The following TMEM178B variants were observed in gnomAD, a reference collection of about 807,000 sequenced individuals.
The protein encoded by TMEM178B is transmembrane protein 178B.
In TMEM178B, 5 loss-of-function variants were observed where a neutral mutation model predicts 31.0. That is an observed-to-expected ratio of 0.16 (90% CI 0.08 to 0.34). The LOEUF is 0.34. Among genes scored for constraint, TMEM178B ranks in the 10% least tolerant of loss-of-function variants. The pLI is 1.00. For missense variants in TMEM178B, 275 were observed against 400.3 expected, an observed-to-expected ratio of 0.69 and a Z score of 2.67; for synonymous variants, 164 against 164.0, an observed-to-expected ratio of 1.00 and a Z score of 0.00.
intron 3 of TMEM178B, among the ~76,000 whole-genome samples, chr7:141,464,536 A>G (rs1454663192): frequency 1.3e-5 from 2 of 152,086 alleles, no homozygotes; most frequent in African/African-American, 4.8e-5. Context: ...AAGCTTTTTT[A>G]AAAAGCTTTT....
At chr7:141,077,660 T>C (rs189872754) in intron 1 of TMEM178B, among the ~76,000 whole-genome samples, 30 of 152,272 alleles carry the variant, frequency 2.0e-4, no homozygotes, top group Non-Finnish European at 3.4e-4. Context: ...GACCATCATT[T>C]GTTAAATACA....
intron 2 of TMEM178B, among the ~76,000 whole-genome samples, chr7:141,432,301 G>A (rs1801450249): frequency 6.6e-6 from 1 of 151,982 alleles, no homozygotes; most frequent in East Asian, 1.9e-4. Context: ...GATTACCGGG[G>A]CATGCCACCA....
At chr7:141,454,479 G>A (rs1488528015) in intron 3 of TMEM178B, among the ~76,000 whole-genome samples, 1 of 152,078 alleles carries the variant, frequency 6.6e-6, no homozygotes, top group Admixed American at 6.5e-5. Context: ...CCTGGGGTCA[G>A]GGCCCAAGAC....
intron 2 of TMEM178B, among the ~76,000 whole-genome samples, chr7:141,391,304 T>C (rs1800534542): frequency 6.6e-6 from 1 of 152,050 alleles, no homozygotes; most frequent in Non-Finnish European, 1.5e-5. Flanking sequence ...TAGCTGGGAT[T>C]ACAGGTAGGC....
At chr7:141,459,598 G>A (rs1802026606) in intron 3 of TMEM178B, among the ~76,000 whole-genome samples, 1 of 152,140 alleles carries the variant, frequency 6.6e-6, no homozygotes, top group Non-Finnish European at 1.5e-5. Flanking sequence ...AGATGTCTTG[G>A]GAGATTCAGG....
At chr7:141,391,759 A>T (rs1459987829) in intron 2 of TMEM178B, among the ~76,000 whole-genome samples, 2 of 151,468 alleles carry the variant, frequency 1.3e-5, no homozygotes, top group Non-Finnish European at 2.9e-5. Context: ...GACTCTAGGG[A>T]CCTCAGATAC....
At chr7:141,267,226 A>G (rs1798107861) in intron 2 of TMEM178B, among the ~76,000 whole-genome samples, 1 of 152,176 alleles carries the variant, frequency 6.6e-6, no homozygotes, top group Non-Finnish European at 1.5e-5. Context: ...TCCTCTACGT[A>G]CCTCAAATTT....
chr7:141,255,202 C>T (rs1386179020), intron 2 of TMEM178B, among the ~76,000 whole-genome samples: 1 of 152,112 alleles, frequency 6.6e-6, no homozygotes, highest in Non-Finnish European at 1.5e-5. Context: ...CCAATGGGAT[C>T]AAGGCATCAG....
Position 141,344,569 on chromosome 7 carries a change from CTCCTCCCTTCCTTCCT to C in TMEM178B, c.497-93034_497-93019del, listed in dbSNP as rs1160987331. ...TCTCCCTCCCTCCCTCCATTCCTCC[CTCCTCCCTTCCTTCCT>C]TCCTTCCTTCCTTCCTTCCTTCCTT... On this transcript the variant is annotated intron_variant, in intron 2 of 3. Transcript: ENST00000565468. This position sits in a 1 kb window ranked among gnomAD's most constrained non-coding sequence, Gnocchi z 4.1. Among the ~76,000 whole-genome samples, 2 of 142,214 alleles carry C rather than the reference CTCCTCCCTTCCTTCCT, an allele frequency of 1.4e-5. No homozygotes were observed. The highest frequency in any genetic ancestry group is 3.0e-5 in the Non-Finnish European group (2 of 65,740). 93.3% of individuals were successfully genotyped at this position (142,214 alleles called of 152,430 possible).
At chr7:141,438,812 G>A (rs1241211711) in intron 3 of TMEM178B, among the ~76,000 whole-genome samples, 1 of 147,830 alleles carries the variant, frequency 6.8e-6, no homozygotes, top group Non-Finnish European at 1.5e-5. Flanking sequence ...GCAGGCAGAG[G>A]TTGCAGTAAG....
intron 2 of TMEM178B, among the ~76,000 whole-genome samples, chr7:141,371,530 C>CT (rs532034669): frequency 1.3e-5 from 2 of 152,264 alleles, no homozygotes; most frequent in East Asian, 3.9e-4. Context: ...ACAAAACAGA[C>CT]TAAGACACTG....
At chr7:141,104,767 G>A (rs1455257813) in intron 1 of TMEM178B, among the ~76,000 whole-genome samples, 2 of 152,146 alleles carry the variant, frequency 1.3e-5, no homozygotes, top group Admixed American at 6.5e-5. Flanking sequence ...GTGCCTTCAC[G>A]TGGTCTTTCC....
At chr7:141,131,309 C>T (rs1052531613) in intron 1 of TMEM178B, among the ~76,000 whole-genome samples, 3 of 152,158 alleles carry the variant, frequency 2.0e-5, no homozygotes, top group African/African-American at 4.8e-5. Context: ...TAATCTTATA[C>T]TAAGCAGCTT....
chr7:141,202,560 G>A (rs549648730), intron 1 of TMEM178B, among the ~76,000 whole-genome samples: 27 of 152,250 alleles, frequency 1.8e-4, no homozygotes, highest in South Asian at 4.2e-4. Context: ...AAAAAACAAA[G>A]CATACAAAAT....
intron 2 of TMEM178B, among the ~76,000 whole-genome samples, chr7:141,214,663 G>A (rs370034670): frequency 7.2e-5 from 11 of 152,120 alleles, no homozygotes; most frequent in African/African-American, 2.4e-4. Flanking sequence ...AACATGTCAC[G>A]AGGCATTGGC....
chr7:141,289,608 G>A (rs1798508423), intron 2 of TMEM178B, among the ~76,000 whole-genome samples: 1 of 151,806 alleles, frequency 6.6e-6, no homozygotes, highest in African/African-American at 2.4e-5. Context: ...CCAACTATTC[G>A]GGAGGCTGAG....
intron 2 of TMEM178B, among the ~76,000 whole-genome samples, chr7:141,359,602 T>C (rs1266269663): frequency 2.6e-5 from 4 of 152,202 alleles, no homozygotes; most frequent in Non-Finnish European, 5.9e-5. Context: ...CGATCAGCCA[T>C]TTCTCCAGGT....
intron 2 of TMEM178B, chr7:141,430,197 G>A (rs1219186531): frequency 6.6e-6 from 1 of 152,216 alleles, no homozygotes; most frequent in Non-Finnish European, 1.5e-5. Context: ...CCAGGTACCT[G>A]AAAAGCATAA....
chr7:141,330,219 C>G (rs1261035487), intron 2 of TMEM178B, among the ~76,000 whole-genome samples: 2 of 152,122 alleles, frequency 1.3e-5, no homozygotes, highest in African/African-American at 4.8e-5. Flanking sequence ...CAACCCATCA[C>G]CTAGGTATTA....
Sources: gnomAD v4.1 joint callset for allele counts (sites outside exome capture counted in the v4.1 genomes callset) on GRCh38, gnomAD v4.1.1 for gene constraint, Gnocchi (gnomAD v3.1) non-coding constraint, MANE v1.5 for transcripts, NCBI Gene and HGNC (gene_info 2026-07-23, HGNC 2026-07-21) for gene names.